Variants in RERE observed in about 807,000 individuals in gnomAD.
The protein encoded by RERE is arginine-glutamic acid dipeptide repeats protein.
In RERE, 40 loss-of-function variants were observed where a neutral mutation model predicts 146.1. That is an observed-to-expected ratio of 0.27 (90% confidence interval 0.21 to 0.36). RERE has a LOEUF of 0.36. Ranked by LOEUF, RERE falls within the 10% of genes least tolerant of loss-of-function variation. The pLI is 1.00. For missense variants in RERE, 1,933 were observed against 2,138.7 expected (o/e 0.90, Z 1.90); for synonymous variants, 1,003 against 866.0 (o/e 1.16, Z -2.78).
intron 4 of RERE, among the ~76,000 whole-genome samples, chr1:8,559,280 C>CAA (rs548075266): frequency 0.028 from 336 of 11,958 alleles, 33 homozygotes; most frequent in Non-Finnish European, 0.031. Context: ...AACTCCAGCT[C>CAA]AAAAAAAAAA....
chr1:8,757,614 G>T (rs573049865), intron 1 of RERE, among the ~76,000 whole-genome samples: 16 of 143,666 alleles, frequency 1.1e-4, no homozygotes, highest in African/African-American at 4.0e-4. Context: ...ACAGCTGATA[G>T]AACATTGTAG....
chr1:8,417,589 A>C (rs1419642229), intron 12 of RERE, among the ~76,000 whole-genome samples: 1 of 152,184 alleles, frequency 6.6e-6, no homozygotes, highest in African/African-American at 2.4e-5. Context: ...TTGAACTTTC[A>C]AGTCCCTATC....
intron 7 of RERE, among the ~76,000 whole-genome samples, chr1:8,516,763 G>T (rs1645425248): frequency 6.6e-6 from 1 of 152,070 alleles, no homozygotes; most frequent in African/African-American, 2.4e-5. Context: ...CCCTATTTTG[G>T]TTCTATGTTT....
chr1:8,678,404 G>A (rs1638890727), intron 1 of RERE, among the ~76,000 whole-genome samples: 1 of 151,982 alleles, frequency 6.6e-6, no homozygotes, highest in Admixed American at 6.6e-5. Context: ...CTAGCATTTT[G>A]GGAGGCCAAG....
intron 1 of RERE, chr1:8,702,977 G>GC (rs1639485748): frequency 6.6e-6 from 1 of 152,082 alleles, no homozygotes; most frequent in African/African-American, 2.4e-5. Context: ...CCCACCCCGA[G>GC]CCCCCCGCCC....
chr1:8,415,917 A>G (rs909757465), intron 12 of RERE, among the ~76,000 whole-genome samples: 3 of 152,254 alleles, frequency 2.0e-5, no homozygotes, highest in African/African-American at 4.8e-5. Context: ...CCAACTGTTT[A>G]TATCTATGTG....
At chr1:8,635,413 G>C (rs1226703394) in intron 2 of RERE, among the ~76,000 whole-genome samples, 1 of 152,186 alleles carries the variant, frequency 6.6e-6, no homozygotes, top group African/African-American at 2.4e-5. Context: ...GTATCTAAAT[G>C]CTTCTTGATT....
intron 1 of RERE, among the ~76,000 whole-genome samples, chr1:8,749,750 A>G (rs1356687529): frequency 6.6e-6 from 1 of 152,184 alleles, no homozygotes; most frequent in Non-Finnish European, 1.5e-5. Context: ...AGGAAAAAAA[A>G]TCTGTATTTT....
chr1:8,801,332 C>T (rs896640329), intron 1 of RERE, among the ~76,000 whole-genome samples: 7 of 151,748 alleles, frequency 4.6e-5, no homozygotes, highest in Non-Finnish European at 1.0e-4. Flanking sequence ...TGCAATGGCA[C>T]AGTCTCGGAT....
At chr1:8,441,627 A>T (rs1244320508) in intron 11 of RERE, among the ~76,000 whole-genome samples, 1 of 152,242 alleles carries the variant, frequency 6.6e-6, no homozygotes, top group African/African-American at 2.4e-5. Context: ...GCGGAAAGTC[A>T]TATCTGACGA....
intron 4 of RERE, among the ~76,000 whole-genome samples, chr1:8,601,626 C>CCACACACACACACACACACACACACACA (rs3082094): frequency 1.1e-5 from 1 of 94,914 alleles, no homozygotes; most frequent in Non-Finnish European, 2.0e-5. Flanking sequence ...TCCAAGGTCA[C>CCACACACACACACACACACACACACACA]CACACACACA....
chr1:8,671,062 G>A (rs773452267), intron 1 of RERE, among the ~76,000 whole-genome samples: 26 of 152,158 alleles, frequency 1.7e-4, no homozygotes, highest in Non-Finnish European at 3.4e-4. Flanking sequence ...ACAAAAACTG[G>A]GAATTCTGTT....
Position 8,354,974 on chromosome 1 carries a change from G to T in RERE, c.*113C>A, listed in dbSNP as rs1440062942. On this transcript the variant is annotated 3_prime_UTR_variant, in exon 23 of 23. Coordinates refer to ENST00000400908, the MANE Select transcript of RERE (RefSeq NM_001042681.2). ...AGTTGTGGGTTTTTAAATATATAAA[G>T]AAATCTTTAGAAGATATTCTTTTTG... 2.4e-6 allele frequency: 2 copies of T among 842,430 alleles called. No individual in the cohort carries two copies. Among genetic ancestry groups the T allele is most frequent in the Non-Finnish European group, 3.8e-6 (2 of 527,160 alleles). The allele number at this position is 842,430 out of a possible 1,614,324, so 52.2% of individuals were successfully genotyped here.
intron 1 of RERE, among the ~76,000 whole-genome samples, chr1:8,800,017 T>C (rs941684716): frequency 2.6e-5 from 4 of 152,166 alleles, no homozygotes; most frequent in African/African-American, 9.7e-5. Flanking sequence ...TTTCACCATG[T>C]TGGCCAGACT....
chr1:8,489,202 A>C (rs1175911762), intron 10 of RERE, among the ~76,000 whole-genome samples: 1 of 151,842 alleles, frequency 6.6e-6, no homozygotes, highest in Non-Finnish European at 1.5e-5. Flanking sequence ...AAACAAACAA[A>C]AACTCTAAAA....
At chr1:8,615,508 A>G (rs746123543) in intron 3 of RERE, among the ~76,000 whole-genome samples, 30 of 152,340 alleles carry the variant, frequency 2.0e-4, no homozygotes, top group Non-Finnish European at 4.0e-4. Context: ...TCCTTTTCAA[A>G]TATTTTAGAC....
At chr1:8,607,550 T>C (rs1310614613) in intron 4 of RERE, among the ~76,000 whole-genome samples, 1 of 110,996 alleles carries the variant, frequency 9.0e-6, no homozygotes, top group Non-Finnish European at 1.8e-5. Context: ...TTTTTTTTTT[T>C]TTTTTTTTTT....
intron 4 of RERE, among the ~76,000 whole-genome samples, chr1:8,571,377 T>C (rs1459370600): frequency 6.6e-6 from 1 of 152,234 alleles, no homozygotes; most frequent in Non-Finnish European, 1.5e-5. Context: ...AGTGTAGAGT[T>C]GGTAACACAG....
chr1:8,422,343 T>C (rs1332875182), intron 12 of RERE, among the ~76,000 whole-genome samples: 2 of 152,202 alleles, frequency 1.3e-5, no homozygotes, highest in Non-Finnish European at 2.9e-5. Flanking sequence ...TCTGGTTTGG[T>C]TGATGATTTC....
Sources: gnomAD v4.1 joint callset for allele counts (sites outside exome capture counted in the v4.1 genomes callset) on GRCh38, gnomAD v4.1.1 for gene constraint, MANE v1.5 for transcripts, NCBI Gene and HGNC (gene_info 2026-07-23, HGNC 2026-07-21) for gene names.